The following ZNF475 variants were observed in gnomAD, a reference collection of about 807,000 sequenced individuals.
The protein encoded by ZNF475 is zinc finger protein 475.
the ZNF475 span, among the ~76,000 whole-genome samples, chr5:122,175,834 TC>T: frequency 6.6e-6 from 1 of 152,198 alleles, no homozygotes; most frequent in Non-Finnish European, 1.5e-5. Context: ...GCCTAAGGCA[TC>T]CCTATCCTAT....
the ZNF475 span, among the ~76,000 whole-genome samples, chr5:122,177,399 G>GT: frequency 1.2e-4 from 19 of 152,158 alleles, no homozygotes; most frequent in Non-Finnish European, 2.4e-4. Context: ...CAAGCCTGGT[G>GT]TTATTGAGAA....
the ZNF475 span, among the ~76,000 whole-genome samples, chr5:122,171,475 A>T: frequency 6.6e-6 from 1 of 152,204 alleles, no homozygotes; most frequent in Non-Finnish European, 1.5e-5. Context: ...CTTGCATTTG[A>T]CAAAAAGGCA....
chr5:122,178,977 A>T, the ZNF475 span, among the ~76,000 whole-genome samples: 3,275 of 152,200 alleles, frequency 0.022, 51 homozygotes, highest in Non-Finnish European at 0.036. Flanking sequence ...TCCCAATATC[A>T]TTTATTGAAT....
chr5:122,163,344 G>A, the ZNF475 span: 2 of 152,220 alleles, frequency 1.3e-5, no homozygotes, highest in East Asian at 3.9e-4. Flanking sequence ...AGTAAATGCT[G>A]ATAATTAGTT....
chr5:122,171,228 C>A, the ZNF475 span, among the ~76,000 whole-genome samples: 1 of 151,726 alleles, frequency 6.6e-6, no homozygotes, highest in Non-Finnish European at 1.5e-5. Context: ...ATTTTATTAC[C>A]CAATCCAGAT....
chr5:122,165,091 A>G, the ZNF475 span, among the ~76,000 whole-genome samples: 4 of 152,236 alleles, frequency 2.6e-5, no homozygotes, highest in African/African-American at 9.6e-5. Context: ...GTCAGTAATC[A>G]GAAAATACTT....
chr5:122,163,734 A>C, the ZNF475 span, among the ~76,000 whole-genome samples: 3 of 152,204 alleles, frequency 2.0e-5, no homozygotes, highest in African/African-American at 7.2e-5. Flanking sequence ...TCCAGCTGGG[A>C]GCAGGGAAAG....
the ZNF475 span, among the ~76,000 whole-genome samples, chr5:122,178,380 A>G: frequency 1.3e-5 from 2 of 152,104 alleles, no homozygotes; most frequent in Admixed American, 6.5e-5. Context: ...AAGCTTTCCT[A>G]TTTCTCCACA....
the ZNF475 span, among the ~76,000 whole-genome samples, chr5:122,172,989 C>G: frequency 6.6e-6 from 1 of 151,652 alleles, no homozygotes; most frequent in African/African-American, 2.4e-5. Flanking sequence ...GCCAAGATCG[C>G]GCCACTGCAC....
At chr5:122,162,224 T>C in the ZNF475 span, 1 of 152,190 alleles carries the variant, frequency 6.6e-6, no homozygotes, top group South Asian at 2.1e-4. Context: ...TTTCTTAGGT[T>C]AAAAGGAACA....
the ZNF475 span, chr5:122,179,717 C>T: frequency 6.6e-7 from 1 of 1,517,896 alleles, no homozygotes; most frequent in Non-Finnish European, 8.8e-7. Flanking sequence ...AACCAGAAGT[C>T]AGGACCATTA....
the ZNF475 span, chr5:122,179,691 A>C: frequency 6.5e-7 from 1 of 1,527,190 alleles, no homozygotes; most frequent in Non-Finnish European, 8.7e-7. Flanking sequence ...AGAGTTAAGG[A>C]GACCAGTACC....
At chr5:122,162,383 G>A in the ZNF475 span, 1 of 152,216 alleles carries the variant, frequency 6.6e-6, no homozygotes, top group Non-Finnish European at 1.5e-5. Flanking sequence ...CATTTGGGAA[G>A]AATTGTTTAA....
the ZNF475 span, among the ~76,000 whole-genome samples, chr5:122,172,514 A>G: frequency 5.1e-3 from 784 of 152,338 alleles, 22 homozygotes; most frequent in Admixed American, 0.043. Flanking sequence ...ATCAGTCGAT[A>G]TCATATCCAC....
chr5:122,182,410 C>A, the ZNF475 span: 1 of 1,090,764 alleles, frequency 9.2e-7, no homozygotes, highest in Non-Finnish European at 1.2e-6. Flanking sequence ...AAAACTGATC[C>A]ATTTTACCTT....
At chr5:122,166,017 G>C in the ZNF475 span, among the ~76,000 whole-genome samples, 2 of 152,204 alleles carry the variant, frequency 1.3e-5, no homozygotes, top group African/African-American at 2.4e-5. Context: ...GTGAATGCAG[G>C]AGGCTTCCTT....
the ZNF475 span, chr5:122,163,445 G>A: frequency 2.0e-4 from 31 of 152,202 alleles, no homozygotes; most frequent in Admixed American, 3.3e-4. Context: ...CAAGCATGGA[G>A]GGAGGGGAAC....
the ZNF475 span, chr5:122,179,956 G>A: frequency 3.0e-6 from 1 of 332,908 alleles, no homozygotes; most frequent in African/African-American, 2.1e-5. Flanking sequence ...CTGTGCATGA[G>A]AGGGACCTAT....
At chr5:122,172,187 T>A in the ZNF475 span, among the ~76,000 whole-genome samples, 3 of 152,186 alleles carry the variant, frequency 2.0e-5, no homozygotes, top group Admixed American at 1.3e-4. Flanking sequence ...TCAAAGAGGA[T>A]CAGGGGTAGA....
Sources: gnomAD v4.1 joint callset for allele counts (sites outside exome capture counted in the v4.1 genomes callset) on GRCh38, gnomAD v4.1.1 for gene constraint, MANE v1.5 for transcripts, NCBI Gene and HGNC (gene_info 2026-07-23, HGNC 2026-07-21) for gene names.